Variants in ADCY8 observed in about 807,000 individuals in gnomAD.
ADCY8 encodes the protein adenylate cyclase 8.
ADCY8 carries 51 observed loss-of-function variants against 119.7 expected under a neutral mutation model. The observed-to-expected ratio is 0.43, with a 90% CI of 0.34 to 0.54. The LOEUF (loss-of-function observed/expected upper bound fraction) is 0.54. Ranked by LOEUF, ADCY8 falls within the 20% of genes least tolerant of loss-of-function variation. The pLI, the probability that ADCY8 is intolerant of heterozygous loss-of-function variation, is 0.03. For missense variants in ADCY8, 1,383 were observed against 1,598.8 expected, an observed-to-expected ratio of 0.87 and a Z score of 2.30; for synonymous variants, 665 against 651.0, an observed-to-expected ratio of 1.02 and a Z score of -0.33.
chr8:130,964,536 C>A (rs879731422), intron 2 of ADCY8, among the ~76,000 whole-genome samples: 3 of 152,140 alleles, frequency 2.0e-5, no homozygotes, highest in Non-Finnish European at 2.9e-5. Context: ...CTTTGTAATG[C>A]TGAGCAGCTA....
At chr8:130,924,729 T>C (rs1820411398) in intron 5 of ADCY8, among the ~76,000 whole-genome samples, 1 of 152,164 alleles carries the variant, frequency 6.6e-6, no homozygotes, top group Admixed American at 6.5e-5. Flanking sequence ...CTAGCTATAT[T>C]GTTTGTTGTT....
intron 14 of ADCY8, among the ~76,000 whole-genome samples, chr8:130,801,616 G>C (rs1209301765): frequency 6.6e-6 from 1 of 152,034 alleles, no homozygotes; most frequent in Non-Finnish European, 1.5e-5. Context: ...CTATCAACTA[G>C]GTTCTCTTCC....
At position 130,838,686 on chromosome 8, in the gene ADCY8, T is replaced by A. The variant is rs1817060323; in HGVS notation, c.2503-2237A>T. Among the ~76,000 whole-genome samples the A allele has an allele frequency of 1.4e-5, 2 of 141,502 alleles. 1 individual carries two copies. The highest frequency in any genetic ancestry group is 3.2e-5 in the Non-Finnish European group (2 of 62,364). The allele number at this position is 141,502 out of a possible 152,430, so 92.8% of individuals were successfully genotyped here. A position where few individuals can be genotyped will look rare whatever the true frequency, so the allele number is the denominator to read the frequency against. On this transcript the variant is annotated intron_variant, in intron 11 of 17. Coordinates refer to ENST00000286355, the MANE Select transcript of ADCY8 (RefSeq NM_001115.3). ...GTCCTTGGAACAAAAACTTATGTGG[T>A]CACAACAGTTAATTTATAAAATGTA...
chr8:130,866,154 A>T (rs1818113606), intron 9 of ADCY8, among the ~76,000 whole-genome samples: 5 of 152,110 alleles, frequency 3.3e-5, no homozygotes, highest in African/African-American at 4.8e-5. Context: ...TTATAAATAT[A>T]GTCCATGAGG....
intron 3 of ADCY8, among the ~76,000 whole-genome samples, chr8:130,948,814 G>T (rs1040245093): frequency 6.6e-6 from 1 of 152,084 alleles, no homozygotes; most frequent in African/African-American, 2.4e-5. Flanking sequence ...TTTGTTCTCC[G>T]ACTTGGGCTA....
intron 14 of ADCY8, among the ~76,000 whole-genome samples, chr8:130,804,183 T>C (rs531373800): frequency 6.6e-5 from 10 of 152,208 alleles, no homozygotes; most frequent in Non-Finnish European, 1.2e-4. Context: ...AGGGCTGTTG[T>C]AATAAAGGAC....
At chr8:130,817,576 C>G (rs954968694) in intron 13 of ADCY8, among the ~76,000 whole-genome samples, 1 of 152,158 alleles carries the variant, frequency 6.6e-6, no homozygotes, top group Non-Finnish European at 1.5e-5. Flanking sequence ...CAAAAGCCAA[C>G]TTGAATGAAC....
chr8:130,881,672 T>C (rs1463510831), intron 8 of ADCY8, among the ~76,000 whole-genome samples: 1 of 152,090 alleles, frequency 6.6e-6, no homozygotes, highest in Non-Finnish European at 1.5e-5. Context: ...ATATTCTTAA[T>C]AAAAATGTTC....
At chr8:130,839,451 C>T (rs1163570664) in intron 11 of ADCY8, among the ~76,000 whole-genome samples, 1 of 139,666 alleles carries the variant, frequency 7.2e-6, no homozygotes, top group African/African-American at 2.4e-5. Flanking sequence ...CCCTGGACAA[C>T]ATCAGAGGAA....
intron 2 of ADCY8, among the ~76,000 whole-genome samples, chr8:130,989,589 A>G (rs1231816373): frequency 6.6e-6 from 1 of 152,212 alleles, no homozygotes; most frequent in African/African-American, 2.4e-5. Context: ...TATACTTAGG[A>G]TGCTACAAGT....
At chr8:130,874,625 G>T (rs936014480) in intron 8 of ADCY8, among the ~76,000 whole-genome samples, 15 of 152,146 alleles carry the variant, frequency 9.9e-5, no homozygotes, top group Non-Finnish European at 2.1e-4. Flanking sequence ...AGATTGATGG[G>T]CTTCAGAAGT....
chr8:130,866,455 C>T (rs1465531501), intron 9 of ADCY8, among the ~76,000 whole-genome samples: 1 of 152,164 alleles, frequency 6.6e-6, no homozygotes, highest in Non-Finnish European at 1.5e-5. Flanking sequence ...TGCTGGTTCT[C>T]TTCTTTTTCA....
intron 9 of ADCY8, among the ~76,000 whole-genome samples, chr8:130,852,642 C>G (rs370700334): frequency 6.6e-6 from 1 of 152,134 alleles, no homozygotes; most frequent in Non-Finnish European, 1.5e-5. Flanking sequence ...GAGTTGGAGC[C>G]TCAAATTCTT....
chr8:130,925,660 G>T (rs1435303851), intron 5 of ADCY8, among the ~76,000 whole-genome samples: 1 of 152,172 alleles, frequency 6.6e-6, no homozygotes, highest in African/African-American at 2.4e-5. Context: ...ATCCAGCAAT[G>T]AATTATAATT....
At chr8:130,847,403 G>A in intron 11 of ADCY8, 21 bp downstream of exon 11, 1 of 1,564,982 alleles carries the variant, frequency 6.4e-7, no homozygotes, top group South Asian at 1.1e-5. Context: ...CTCTCACCAA[G>A]GGGAGCTCAT....
At chr8:130,840,870 G>A (rs1359899599) in intron 11 of ADCY8, among the ~76,000 whole-genome samples, 4 of 152,146 alleles carry the variant, frequency 2.6e-5, no homozygotes, top group Admixed American at 6.5e-5. Context: ...AGCAATCTCT[G>A]ATACAGGAAG....
rs191570189 is a variant in ADCY8 at position 130,839,327 on chromosome 8, C to A, written c.2503-2878G>T. Among the ~76,000 whole-genome samples the A allele has an allele frequency of 2.1e-5, 3 of 140,048 alleles. 1 individual carries two copies. The East Asian group carries it at 6.7e-4, about 31-fold the overall frequency. 91.9% of individuals were successfully genotyped at this position (140,048 alleles called of 152,430 possible). On this transcript the variant is annotated intron_variant, in intron 11 of 17. Coordinates refer to ENST00000286355, the MANE Select transcript of ADCY8 (RefSeq NM_001115.3). ...CCTTCTTTACTCCTATCCCCCATTC[C>A]ATCTAAAGGAATCACCCACTGCCTT...
At chr8:130,933,638 T>C (rs1375451551) in intron 5 of ADCY8, among the ~76,000 whole-genome samples, 1 of 152,194 alleles carries the variant, frequency 6.6e-6, no homozygotes, top group East Asian at 1.9e-4. Context: ...ATTCATACAG[T>C]TTGAAAAAGA....
chr8:130,951,502 T>A (rs901691439), intron 3 of ADCY8, among the ~76,000 whole-genome samples: 2 of 152,084 alleles, frequency 1.3e-5, no homozygotes, highest in African/African-American at 4.8e-5. Context: ...CACTTATGAG[T>A]AATATAAGGA....
Sources: gnomAD v4.1 joint callset for allele counts (sites outside exome capture counted in the v4.1 genomes callset) on GRCh38, gnomAD v4.1.1 for gene constraint, MANE v1.5 for transcripts, NCBI Gene and HGNC (gene_info 2026-07-23, HGNC 2026-07-21) for gene names.